Variants in DGKA observed in about 807,000 individuals in gnomAD.
DGKA encodes the protein 80 kDa diacylglycerol kinase.
A neutral mutation model predicts 105.0 loss-of-function variants in DGKA; 35 were observed. The ratio of observed to expected loss-of-function variants is 0.33; its 90% confidence interval spans 0.25 to 0.44. The LOEUF is 0.44. Among genes scored for constraint, DGKA ranks in the 20% least tolerant of loss-of-function variants. DGKA has a pLI of 1.00. For synonymous variants in DGKA, 296 were observed against 332.0 expected, an observed-to-expected ratio of 0.89 and a Z score of 1.18; for missense variants, 665 against 915.0, an observed-to-expected ratio of 0.73 and a Z score of 3.53.
At chr12:55,951,984 G>A (rs762440957) in intron 18 of DGKA, 51 bp from the exon 19 acceptor site, 40 of 1,603,484 alleles carry the variant, frequency 2.5e-5, no homozygotes, top group South Asian at 5.5e-5. Flanking sequence ...AGGGGAGACC[G>A]GGAGGGAGAG....
At chr12:55,928,021 G>A, upstream of DGKA, 1 of 524,048 alleles carries the variant, frequency 1.9e-6, no homozygotes, top group Non-Finnish European at 3.4e-6. Context: ...CAATAATCCG[G>A]TCCCGTAGTG....
chr12:55,929,936 C>CT (rs914651916), upstream of DGKA, among the ~76,000 whole-genome samples: 3 of 152,188 alleles, frequency 2.0e-5, no homozygotes, highest in Non-Finnish European at 4.4e-5. Context: ...AGGGACATAT[C>CT]TAAAGACGAT....
rs377456513 is a variant in DGKA at position 55,947,712 on chromosome 12, G to A, written c.1427-3911G>A. ...TGAACACTCATACATCTATCTCTGC[G>A]CACAGATATGAACATTTCTCTAGGA... On this transcript the variant is annotated intron_variant, in intron 17 of 23. Coordinates refer to ENST00000331886, the MANE Select transcript of DGKA (RefSeq NM_001345.5). Among the ~76,000 whole-genome samples the A allele has an allele frequency of 7.6e-4, 116 of 152,202 alleles. 2 individuals carry two copies. Among genetic ancestry groups the A allele is most frequent in the East Asian group, 5.2e-3 (27 of 5,178 alleles).
At chr12:55,941,905 G>A (rs867131448) in intron 15 of DGKA, 93 bp from the exon 16 acceptor site, 149 of 1,310,662 alleles carry the variant, frequency 1.1e-4, no homozygotes, top group Middle Eastern at 1.0e-3. Flanking sequence ...AGGGTCCTAC[G>A]GAATGAGAGA....
At chr12:55,938,217 AC>A in intron 5 of DGKA, 165 bp downstream of exon 5, 1 of 700,022 alleles carries the variant, frequency 1.4e-6, no homozygotes, top group Non-Finnish European at 2.4e-6. Flanking sequence ...GACTATTTAT[AC>A]CTAATACCCT....
At chr12:55,942,380 C>T in intron 17 of DGKA, 117 bp downstream of exon 17, 1 of 942,174 alleles carries the variant, frequency 1.1e-6, no homozygotes. Flanking sequence ...AAGAGGGGCA[C>T]AGACAGGTGG....
Position 55,936,582 on chromosome 12 carries a change from C to A in DGKA, c.64+15C>A, listed in dbSNP as rs568619552. 3.3e-5 allele frequency: 54 copies of A among 1,614,000 alleles called. No homozygotes were observed. Among genetic ancestry groups the A allele is most frequent in the Non-Finnish European group, 4.4e-5 (52 of 1,180,012 alleles). Reference sequence around the variant, plus strand: ...ATACATGGAATGTGAGTCTTCCTGTCAGGCCTTCAGTTCTGGAGACCCTGC... The same window carrying A: ...ATACATGGAATGTGAGTCTTCCTGTAAGGCCTTCAGTTCTGGAGACCCTGC... On this transcript the variant is annotated intron_variant, in intron 2 of 23. Transcript: ENST00000331886.
In DGKA at chr12:55,932,886, T is replaced by C. The variant is rs1233613901; in HGVS notation, c.-82+1542T>C. 1 of 323,104 alleles carries C rather than the reference T, an allele frequency of 3.1e-6. No homozygotes were observed. Among genetic ancestry groups the C allele is most frequent in the African/African-American group, 2.1e-5 (1 of 47,362 alleles). 20.0% of individuals were successfully genotyped at this position (323,104 alleles called of 1,614,324 possible). On this transcript the variant is annotated intron_variant, in intron 1 of 23. Transcript: ENST00000331886. The surrounding 1 kb of genome is among the most constrained non-coding windows in gnomAD (Gnocchi z 4.3). The stretch of plus-strand genomic sequence containing the variant: ...GAGGAGGAGGATACAGTCTATGATG[T>C]GATTAAGGAATTCAGAAGTCCAGGT...
Position 55,940,505 on chromosome 12 carries a change from A to T in DGKA, c.918+72A>T. The T allele has an allele frequency of 6.3e-7, 1 of 1,593,466 alleles. No individual in the cohort carries two copies. The highest frequency in any genetic ancestry group is 1.1e-5 in the South Asian group (1 of 87,936). ...CTGCCTTCTCCACGGGCCTCCGGCC[A>T]CACCTCCTTTACAGGCACAGTTGCC... On this transcript the variant is annotated intron_variant, in intron 11 of 23. Transcript: ENST00000331886. The surrounding 1 kb of genome is among the most constrained non-coding windows in gnomAD (Gnocchi z 4.3).
intron 17 of DGKA, chr12:55,943,182 T>C (rs1175807946): frequency 6.6e-6 from 1 of 152,234 alleles, no homozygotes; most frequent in Non-Finnish European, 1.5e-5. Flanking sequence ...GTGTTTTCAA[T>C]TTCTTTGTAC....
intron 1 of DGKA, chr12:55,933,458 C>T (rs1884059793): frequency 6.6e-6 from 1 of 152,190 alleles, no homozygotes; most frequent in African/African-American, 2.4e-5. Flanking sequence ...AGGTTATAGC[C>T]TCAGGGTTGG....
At chr12:55,941,471 C>T (rs1283993215) in intron 14 of DGKA, 39 bp from the exon 15 acceptor site, 21 of 1,609,532 alleles carry the variant, frequency 1.3e-5, no homozygotes, top group Non-Finnish European at 1.7e-5. Context: ...ACCCCCAACC[C>T]CCGCGCCTGC....
intron 17 of DGKA, chr12:55,942,765 A>AT (rs1249961660): frequency 5.3e-6 from 1 of 190,446 alleles, no homozygotes; most frequent in African/African-American, 2.3e-5. Context: ...AGTTTGAGGG[A>AT]TGGTATTGGT....
At position 55,940,361 on chromosome 12, in the gene DGKA, C is replaced by G; in HGVS notation, c.846C>G (p.Cys282Trp). 6.2e-7 allele frequency: 1 copy of G among 1,614,224 alleles called. No individual in the cohort carries two copies. Among genetic ancestry groups the G allele is most frequent in the Non-Finnish European group, 8.5e-7 (1 of 1,180,034 alleles). Reference protein sequence around the residue: ...WVRGGCESGRCDRCQKKIRIY... With the variant: ...WVRGGCESGRWDRCQKKIRIY... Reference sequence around the variant, plus strand: ...GAGGAGGCTGTGAGTCCGGGCGCTGCGACCGCTGTCAGAAAAAGATCCGGA... The same window carrying G: ...GAGGAGGCTGTGAGTCCGGGCGCTGGGACCGCTGTCAGAAAAAGATCCGGA... Residue 282 changes from cysteine (C) to tryptophan (W), a missense_variant, in exon 11 of 24, where the codon TGC (cysteine) becomes TGG (tryptophan). By Grantham distance (215) the Cys-to-Trp change is radical. Transcript: ENST00000331886. This position sits in a 1 kb window ranked among gnomAD's most constrained non-coding sequence, Gnocchi z 4.3.
intron 13 of DGKA, 60 bp from the exon 14 acceptor site, chr12:55,941,192 C>A (rs1592700458): frequency 6.5e-7 from 1 of 1,546,058 alleles, no homozygotes; most frequent in Non-Finnish European, 8.8e-7. Flanking sequence ...GTCTCCTGGG[C>A]CCACCTTAAC....
In DGKA at chr12:55,952,126, G is replaced by T. The variant is rs776896600; in HGVS notation, c.1652+27G>T. 3 of 1,613,444 alleles carry T rather than the reference G, an allele frequency of 1.9e-6. No homozygotes were observed. Among genetic ancestry groups the T allele is most frequent in the Non-Finnish European group, 2.5e-6 (3 of 1,179,514 alleles). On this transcript the variant is annotated intron_variant, in intron 19 of 23. Transcript: ENST00000331886. This position sits in a 1 kb window ranked among gnomAD's most constrained non-coding sequence, Gnocchi z 5.1. ...TTAGGGAAAGGAGGGGGCAGTGTGG[G>T]CATACACAGTGTCAGGAGCCAGGTT...
rs1883849089 is a variant in DGKA at position 55,932,681 on chromosome 12, A to G, written c.-82+1337A>G. The G allele has an allele frequency of 7.4e-6, 5 of 672,988 alleles. No individual in the cohort carries two copies. Among genetic ancestry groups the G allele is most frequent in the Non-Finnish European group, 1.4e-5 (5 of 369,328 alleles). 41.7% of individuals were successfully genotyped at this position (672,988 alleles called of 1,614,324 possible). ...TCGTAACTTCCTCCTATACTACGCA[A>G]TGACACCCTCTACACACACACACAC... On this transcript the variant is annotated intron_variant, in intron 1 of 23. Coordinates refer to ENST00000331886, the MANE Select transcript of DGKA (RefSeq NM_001345.5). The surrounding 1 kb of genome is among the most constrained non-coding windows in gnomAD (Gnocchi z 4.3).
intron 1 of DGKA, among the ~76,000 whole-genome samples, chr12:55,934,269 A>C (rs901993873): frequency 6.6e-6 from 1 of 152,090 alleles, no homozygotes; most frequent in African/African-American, 2.4e-5. Context: ...AGAACTTTGG[A>C]GTCATCTTAG....
chr12:55,949,462 G>T (rs1406704895), intron 17 of DGKA, among the ~76,000 whole-genome samples: 5 of 152,148 alleles, frequency 3.3e-5, no homozygotes. Flanking sequence ...GCCTCCCAAA[G>T]TGCTGGGATT....
Sources: allele counts gnomAD v4.1 joint callset (sites outside exome capture counted in the v4.1 genomes callset), GRCh38; gene constraint gnomAD v4.1.1; non-coding constraint Gnocchi (gnomAD v3.1); transcripts MANE v1.5; gene names NCBI Gene and HGNC (gene_info 2026-07-23, HGNC 2026-07-21).